MAP3K19: variants seen among roughly 807,000 people sequenced by gnomAD.
MAP3K19 encodes SPS1/STE20-related protein kinase YSK4.
A neutral mutation model predicts 114.4 loss-of-function variants in MAP3K19; 91 were observed. That is an observed-to-expected ratio of 0.80 (90% CI 0.67 to 0.95). MAP3K19 has a LOEUF of 0.95. MAP3K19 is among the 40% of genes least tolerant of loss of function. The probability of loss-of-function intolerance (pLI) is 0.00; values close to 1 mark genes in which losing one functional copy is unlikely to be tolerated. For missense variants in MAP3K19, 1,471 were observed against 1,573.2 expected (o/e 0.94, Z 1.10); for synonymous variants, 518 against 530.5 (o/e 0.98, Z 0.32).
chr2:134,991,712 CTGT>C, intron 8 of MAP3K19, 132 bp from the exon 9 acceptor site: 1 of 716,758 alleles, frequency 1.4e-6, no homozygotes, highest in Non-Finnish European at 2.4e-6. Flanking sequence ...GAGGTTTCCC[CTGT>C]GGAATTCACA....
chr2:135,024,857 T>C, intron 3 of MAP3K19, 116 bp from the exon 4 acceptor site: 1 of 504,130 alleles, frequency 2.0e-6, no homozygotes, highest in Non-Finnish European at 3.5e-6. Context: ...TTATGTAGTT[T>C]GGGGATAATA....
At chr2:135,001,312 C>A (rs1686427466) in intron 6 of MAP3K19, among the ~76,000 whole-genome samples, 1 of 152,144 alleles carries the variant, frequency 6.6e-6, no homozygotes, top group Non-Finnish European at 1.5e-5. Flanking sequence ...TAATACTATA[C>A]AATTGCATGG....
At chr2:134,997,917 G>A (rs909398628) in intron 8 of MAP3K19, among the ~76,000 whole-genome samples, 1 of 150,444 alleles carries the variant, frequency 6.6e-6, no homozygotes, top group South Asian at 2.1e-4. Flanking sequence ...TTCTTTTTTG[G>A]TAGGATGTGT....
At chr2:134,967,657 C>T (rs1425127237) in intron 12 of MAP3K19, among the ~76,000 whole-genome samples, 1 of 152,218 alleles carries the variant, frequency 6.6e-6, no homozygotes, top group African/African-American at 2.4e-5. Context: ...GTATTGCTCA[C>T]ATGTTCGTTG....
chr2:135,006,981 T>C (rs1313871590), intron 5 of MAP3K19, among the ~76,000 whole-genome samples: 2 of 151,976 alleles, frequency 1.3e-5, no homozygotes, highest in Non-Finnish European at 2.9e-5. Flanking sequence ...CTGGACAACA[T>C]GGTGAAGCCC....
At chr2:135,016,551 G>C (rs954430369) in intron 5 of MAP3K19, among the ~76,000 whole-genome samples, 1 of 152,064 alleles carries the variant, frequency 6.6e-6, no homozygotes, top group African/African-American at 2.4e-5. Context: ...ACACAAACCT[G>C]CTAGGTTTTG....
At chr2:135,005,144 A>AT (rs1195415530) in intron 6 of MAP3K19, among the ~76,000 whole-genome samples, 1 of 152,052 alleles carries the variant, frequency 6.6e-6, no homozygotes, top group Non-Finnish European at 1.5e-5. Flanking sequence ...ATTTATTATA[A>AT]TTTTTTTAAC....
At chr2:134,998,256 G>T (rs1465779238) in intron 8 of MAP3K19, among the ~76,000 whole-genome samples, 1 of 152,164 alleles carries the variant, frequency 6.6e-6, no homozygotes, top group Non-Finnish European at 1.5e-5. Flanking sequence ...AGCATCCACA[G>T]CGTGGGCCCC....
Position 134,986,806 on chromosome 2 carries a change from CA to C in MAP3K19, c.2065del (p.Cys689ValfsTer35). ...GATACGTCTGCCTGATGGAGCCGAACATATCTCACGGTAATACGTGTTTTCA... is the reference window on the plus strand; with the variant it reads ...GATACGTCTGCCTGATGGAGCCGAACTATCTCACGGTAATACGTGTTTTCA... ...RDENTYYREI[C>X]SAPSGRRITN... is the part of the protein sequence containing the mutation. On this transcript the variant is annotated frameshift_variant, in exon 10 of 13. Transcript: ENST00000392915. LOFTEE classifies it high-confidence loss of function. The C allele has an allele frequency of 6.2e-7, 1 of 1,614,190 alleles. No homozygotes were observed. Among genetic ancestry groups the C allele is most frequent in the South Asian group, 1.1e-5 (1 of 91,080 alleles).
At chr2:134,997,266 A>C (rs776984895) in intron 8 of MAP3K19, among the ~76,000 whole-genome samples, 1 of 152,182 alleles carries the variant, frequency 6.6e-6, no homozygotes, top group Non-Finnish European at 1.5e-5. Context: ...TTCCATTTCT[A>C]TAAAAGACCT....
rs1685166664 is a variant in MAP3K19, at chr2:134,986,856, AC to A, written c.2015del (p.Cys672PhefsTer52). On this transcript the variant is annotated frameshift_variant, in exon 10 of 13. Coordinates refer to ENST00000392915, the MANE Select transcript of MAP3K19 (RefSeq NM_025052.5). LOFTEE classifies it high-confidence loss of function. ...CATCCCTTTCAGTCTCTCGCACATG[AC>A]AATAAACAGGGGTCCCAAACATTTC... ...IYEMFGTPVYCHVRETERDEN... is the reference protein window; with the variant it reads ...IYEMFGTPVYXHVRETERDEN... The A allele has an allele frequency of 6.2e-7, 1 of 1,614,076 alleles. No homozygotes were observed.
Position 134,964,639 on chromosome 2 carries a change from A to C in MAP3K19, c.*211T>G. 2.6e-6 allele frequency: 1 copy of C among 387,074 alleles called. No homozygotes were observed. The highest frequency in any genetic ancestry group is 8.4e-5 in the South Asian group (1 of 11,874). 24.0% of individuals were successfully genotyped at this position (387,074 alleles called of 1,614,324 possible). A position where few individuals can be genotyped will look rare whatever the true frequency, so the allele number is the denominator to read the frequency against. On this transcript the variant is annotated 3_prime_UTR_variant, in exon 13 of 13. Coordinates refer to ENST00000392915, the MANE Select transcript of MAP3K19 (RefSeq NM_025052.5). ...GAAATAGTTTTTTGTTGTTATTAAG[A>C]ACATGTTTTCTGATACTATGAGTAA...
chr2:134,977,356 A>ATTTTTTTTTTTTT lies in MAP3K19; in HGVS notation c.3920+3452_3920+3464dup, dbSNP rs774277347. 8.1e-5 allele frequency among the ~76,000 whole-genome samples: 7 copies of ATTTTTTTTTTTTT among 86,838 alleles called. 1 individual carries two copies. The highest frequency in any genetic ancestry group is 1.8e-4 in the Admixed American group (1 of 5,658). 57.0% of individuals were successfully genotyped at this position (86,838 alleles called of 152,430 possible). On this transcript the variant is annotated intron_variant, in intron 12 of 12. Transcript: ENST00000392915. Reference sequence around the variant, plus strand: ...ACAACCATGACTTGCTAATTTTTAAATTTTTTTTTTTTTTTTTTTTTTTTG... The same window carrying ATTTTTTTTTTTTT: ...ACAACCATGACTTGCTAATTTTTAAATTTTTTTTTTTTTTTTTTTTTTTTTTTTTTTTTTTTTG...
chr2:134,981,872 TTTC>T (rs1439539749), intron 11 of MAP3K19, among the ~76,000 whole-genome samples: 2 of 141,998 alleles, frequency 1.4e-5, no homozygotes, highest in African/African-American at 2.7e-5. Flanking sequence ...GCCTCAGAGA[TTTC>T]TTTTCTTTTT....
intron 2 of MAP3K19, among the ~76,000 whole-genome samples, chr2:135,039,444 T>C: frequency 6.7e-6 from 1 of 149,570 alleles, no homozygotes; most frequent in East Asian, 1.9e-4. Flanking sequence ...TAGCCGGGCA[T>C]GGTGGTATGC....
chr2:134,998,233 A>G (rs1372291830), intron 8 of MAP3K19, among the ~76,000 whole-genome samples: 3 of 152,182 alleles, frequency 2.0e-5, no homozygotes, highest in Non-Finnish European at 4.4e-5. Context: ...TAAATTCAAT[A>G]CTTCTGGCCA....
intron 12 of MAP3K19, among the ~76,000 whole-genome samples, chr2:134,973,792 T>C (rs532333958): frequency 2.9e-4 from 44 of 152,202 alleles, no homozygotes; most frequent in Non-Finnish European, 5.3e-4. Flanking sequence ...TACACTTTCA[T>C]ATGTTTTCAT....
At position 135,020,704 on chromosome 2, in the gene MAP3K19, C is replaced by T. The variant is rs550336266; in HGVS notation, c.138+1011G>A. 1.1e-3 allele frequency among the ~76,000 whole-genome samples: 160 copies of T among 152,198 alleles called. 1 individual carries two copies. The highest frequency in any genetic ancestry group is 6.8e-3 in the Middle Eastern group (2 of 294). On this transcript the variant is annotated intron_variant, in intron 5 of 12. Coordinates refer to ENST00000392915, the MANE Select transcript of MAP3K19 (RefSeq NM_025052.5). ...TGATTGGATCATGGGGGCGGTTTCC[C>T]CCATACTGTTCTTGTGATAGTGGGG... is the stretch of plus-strand genomic sequence containing the variant.
chr2:135,001,593 A>G (rs1230380205), intron 6 of MAP3K19, among the ~76,000 whole-genome samples: 2 of 152,262 alleles, frequency 1.3e-5, no homozygotes, highest in Non-Finnish European at 2.9e-5. Flanking sequence ...GAGTGCAAAC[A>G]CCTAGCTGAC....
Sources: allele counts gnomAD v4.1 joint callset (sites outside exome capture counted in the v4.1 genomes callset), GRCh38; gene constraint gnomAD v4.1.1; transcripts MANE v1.5; gene names NCBI Gene and HGNC (gene_info 2026-07-23, HGNC 2026-07-21).